TENM4: variants seen among roughly 807,000 people sequenced by gnomAD.
TENM4 encodes the protein teneurin transmembrane protein 4, also known as teneurin-4.
A neutral mutation model predicts 243.3 loss-of-function variants in TENM4; 82 were observed. That is an observed-to-expected ratio of 0.34 (90% CI 0.28 to 0.40). TENM4 has a LOEUF of 0.40. Among genes scored for constraint, TENM4 ranks in the 10% least tolerant of loss-of-function variants. The probability of loss-of-function intolerance (pLI) is 1.00; values close to 1 mark genes in which losing one functional copy is unlikely to be tolerated. For missense variants in TENM4, 3,138 were observed against 3,673.3 expected (o/e 0.85, Z 3.77); for synonymous variants, 1,412 against 1,456.3 (o/e 0.97, Z 0.69).
intron 1 of TENM4, among the ~76,000 whole-genome samples, chr11:79,420,404 C>T (rs2135588556): frequency 6.6e-6 from 1 of 152,300 alleles, no homozygotes; most frequent in Admixed American, 6.5e-5. Context: ...AGACAGGAAC[C>T]ATAATCAGAA....
chr11:78,966,133 A>G (rs146207691), intron 6 of TENM4, among the ~76,000 whole-genome samples: 1 of 151,222 alleles, frequency 6.6e-6, no homozygotes, highest in Non-Finnish European at 1.5e-5. Context: ...CAGCTCAGTG[A>G]CTTTGGGTAA....
intron 4 of TENM4, among the ~76,000 whole-genome samples, chr11:79,136,059 G>A (rs1022429104): frequency 6.6e-6 from 1 of 151,850 alleles, no homozygotes; most frequent in Non-Finnish European, 1.5e-5. Context: ...GGGGGCAAGG[G>A]ATAAAAGGCT....
Position 79,440,483 on chromosome 11 carries a change from C to T in TENM4, c.-321+26G>A, listed in dbSNP as rs1859380734. 6.6e-6 allele frequency: 1 copy of T among 152,282 alleles called. No homozygotes were observed. The highest frequency in any genetic ancestry group is 2.4e-5 in the African/African-American group (1 of 41,460). 9.4% of individuals were successfully genotyped at this position (152,282 alleles called of 1,614,324 possible). On this transcript the variant is annotated intron_variant, in intron 1 of 33. Transcript: ENST00000278550. This position sits in a 1 kb window ranked among gnomAD's most constrained non-coding sequence, Gnocchi z 4.7. ...TCGCCGCGGTCCCCAAGGCGCTTTTCCGTAGAGCGGATCACGCCGCCTTAC... is the reference window on the plus strand; with the variant it reads ...TCGCCGCGGTCCCCAAGGCGCTTTTTCGTAGAGCGGATCACGCCGCCTTAC...
intron 12 of TENM4, among the ~76,000 whole-genome samples, chr11:78,828,388 C>T (rs1162609648): frequency 1.3e-5 from 2 of 152,198 alleles, no homozygotes; most frequent in Non-Finnish European, 2.9e-5. Flanking sequence ...CTAGCAAGAG[C>T]TGCCAAGATG....
chr11:79,037,437 T>A (rs980291532), intron 6 of TENM4, among the ~76,000 whole-genome samples: 1 of 152,244 alleles, frequency 6.6e-6, no homozygotes, highest in Admixed American at 6.5e-5. Context: ...CTCCTTCTAC[T>A]GCTATATTCC....
intron 3 of TENM4, among the ~76,000 whole-genome samples, chr11:79,197,425 G>C (rs191814625): frequency 1.3e-5 from 2 of 151,842 alleles, no homozygotes; most frequent in Non-Finnish European, 2.9e-5. Flanking sequence ...ACCTTTTGCC[G>C]GAGAGGTACC....
At chr11:78,699,838 A>T (rs1253772933) in intron 28 of TENM4, among the ~76,000 whole-genome samples, 1 of 152,186 alleles carries the variant, frequency 6.6e-6, no homozygotes, top group Non-Finnish European at 1.5e-5. Flanking sequence ...TGACTTTGGG[A>T]ACTAATTGAG....
At chr11:78,772,944 G>A (rs1856670737) in intron 17 of TENM4, among the ~76,000 whole-genome samples, 1 of 152,214 alleles carries the variant, frequency 6.6e-6, no homozygotes, top group Admixed American at 6.5e-5. Flanking sequence ...AAGTGATTGA[G>A]AAAGAAGTTT....
chr11:78,891,452 C>T, intron 7 of TENM4, 116 bp from the exon 8 acceptor site: 1 of 907,422 alleles, frequency 1.1e-6, no homozygotes, highest in Non-Finnish European at 1.7e-6. Flanking sequence ...ACCAGCGGGA[C>T]ACGGTTTCCA....
At chr11:78,792,710 G>A (rs558570291) in intron 15 of TENM4, among the ~76,000 whole-genome samples, 6 of 152,264 alleles carry the variant, frequency 3.9e-5, no homozygotes, top group African/African-American at 9.6e-5. Context: ...GGTGTATGTC[G>A]GTTGATGCGA....
intron 1 of TENM4, among the ~76,000 whole-genome samples, chr11:79,435,048 T>C (rs1228854368): frequency 6.6e-6 from 1 of 152,194 alleles, no homozygotes; most frequent in African/African-American, 2.4e-5. Flanking sequence ...TTTTGCATGC[T>C]TTATCATTAG....
intron 4 of TENM4, among the ~76,000 whole-genome samples, chr11:79,109,394 C>CT (rs1277129423): frequency 6.6e-6 from 1 of 152,102 alleles, no homozygotes; most frequent in African/African-American, 2.4e-5. Context: ...ATGAACCAGT[C>CT]TTTTTTGTGT....
chr11:78,816,222 A>G (rs900425862), intron 12 of TENM4, among the ~76,000 whole-genome samples: 12 of 151,978 alleles, frequency 7.9e-5, no homozygotes, highest in African/African-American at 2.9e-4. Context: ...CTCTATATAA[A>G]CTCCATACCC....
intron 2 of TENM4, among the ~76,000 whole-genome samples, chr11:79,249,501 C>T (rs1402831245): frequency 6.6e-6 from 1 of 152,202 alleles, no homozygotes; most frequent in East Asian, 1.9e-4. Context: ...AGGGACAGTG[C>T]TGGGTTCTAT....
intron 1 of TENM4, among the ~76,000 whole-genome samples, chr11:79,377,353 A>G (rs928915639): frequency 1.3e-5 from 2 of 152,222 alleles, no homozygotes; most frequent in African/African-American, 2.4e-5. Flanking sequence ...GCAGCTGGCT[A>G]GTGGATGGTT....
At chr11:79,166,642 G>A (rs564170723) in intron 3 of TENM4, among the ~76,000 whole-genome samples, 1 of 152,204 alleles carries the variant, frequency 6.6e-6, no homozygotes, top group South Asian at 2.1e-4. Context: ...GAGGCACAGA[G>A]AGAATGGAAT....
chr11:79,211,233 G>C (rs896024026), intron 3 of TENM4, among the ~76,000 whole-genome samples: 1 of 152,186 alleles, frequency 6.6e-6, no homozygotes, highest in African/African-American at 2.4e-5. Flanking sequence ...AGAATACCAT[G>C]TGCAAAGGCC....
At chr11:79,418,632 T>C (rs1451492845) in intron 1 of TENM4, among the ~76,000 whole-genome samples, 2 of 152,256 alleles carry the variant, frequency 1.3e-5, no homozygotes, top group East Asian at 1.9e-4. Context: ...GCAACTGGAA[T>C]GTCCTCTCTG....
intron 3 of TENM4, among the ~76,000 whole-genome samples, chr11:79,175,636 CTT>C (rs1863144874): frequency 6.6e-6 from 1 of 152,104 alleles, no homozygotes; most frequent in Non-Finnish European, 1.5e-5. Flanking sequence ...TAAAGGCAAA[CTT>C]GTGTGTATAT....
Sources: allele counts gnomAD v4.1 joint callset (sites outside exome capture counted in the v4.1 genomes callset), GRCh38; gene constraint gnomAD v4.1.1; non-coding constraint Gnocchi (gnomAD v3.1); transcripts MANE v1.5; gene names NCBI Gene and HGNC (gene_info 2026-07-23, HGNC 2026-07-21).